Variants in ZFHX4 observed in about 807,000 individuals in gnomAD.
The protein encoded by ZFHX4 is zinc finger homeobox protein 4.
A neutral mutation model predicts 267.6 loss-of-function variants in ZFHX4; 56 were observed. The ratio of observed to expected loss-of-function variants is 0.21; its 90% confidence interval spans 0.17 to 0.26. The LOEUF (loss-of-function observed/expected upper bound fraction) is 0.26, where lower values mean the gene tolerates loss of function less well. Ranked by LOEUF, ZFHX4 falls within the 10% of genes least tolerant of loss-of-function variation. The pLI is 1.00. For synonymous variants in ZFHX4, 1,778 were observed against 1,665.6 expected, an observed-to-expected ratio of 1.07 and a Z score of -1.64; for missense variants, 4,332 against 4,420.0, an observed-to-expected ratio of 0.98 and a Z score of 0.56.
chr8:76,732,494 A>G (rs1460222837), intron 3 of ZFHX4, among the ~76,000 whole-genome samples: 1 of 151,970 alleles, frequency 6.6e-6, no homozygotes, highest in Non-Finnish European at 1.5e-5. Flanking sequence ...TTATTTACAG[A>G]AAGTAATTTT....
At chr8:76,826,170 A>T (rs1811780289) in intron 4 of ZFHX4, among the ~76,000 whole-genome samples, 1 of 152,216 alleles carries the variant, frequency 6.6e-6, no homozygotes, top group Non-Finnish European at 1.5e-5. Context: ...GAGTGGGATC[A>T]AAAGGGAGAG....
intron 1 of ZFHX4, among the ~76,000 whole-genome samples, chr8:76,699,408 T>G (rs577935402): frequency 3.3e-5 from 5 of 152,154 alleles, no homozygotes; most frequent in Admixed American, 6.6e-5. Context: ...TTACACAATC[T>G]TTCATGAAAT....
chr8:76,816,169 G>C (rs972409554), intron 4 of ZFHX4, among the ~76,000 whole-genome samples: 1 of 152,134 alleles, frequency 6.6e-6, no homozygotes, highest in African/African-American at 2.4e-5. Flanking sequence ...CCAAGCTTCT[G>C]ATTCCCAATT....
rs763447710 is a variant in ZFHX4 at position 76,855,558 on chromosome 8, T to G, written c.8637T>G (p.Asp2879Glu). Residue 2879 changes from aspartate to glutamate, a missense_variant, in exon 10 of 11, where the codon GAT (aspartate) becomes GAG (glutamate). Transcript: ENST00000651372. ...CATCCATCCATTTCAATGACAAAGATGGCGACCACGACCAAAGCTTTTACA... is the reference window on the plus strand; with the variant it reads ...CATCCATCCATTTCAATGACAAAGAGGGCGACCACGACCAAAGCTTTTACA... ...TSPSIHFNDK[D>E]GDHDQSFYIT... 4.2e-5 allele frequency: 67 copies of G among 1,613,770 alleles called. No individual in the cohort carries two copies. Among genetic ancestry groups the G allele is most frequent in the Non-Finnish European group, 5.4e-5 (64 of 1,179,858 alleles).
At chr8:76,763,664 A>G (rs1438485693) in intron 3 of ZFHX4, among the ~76,000 whole-genome samples, 2 of 152,156 alleles carry the variant, frequency 1.3e-5, no homozygotes. Context: ...ATGTATTATT[A>G]TATATGATAA....
chr8:76,710,841 G>T (rs895975852), intron 3 of ZFHX4, among the ~76,000 whole-genome samples: 1 of 152,112 alleles, frequency 6.6e-6, no homozygotes, highest in Non-Finnish European at 1.5e-5. Flanking sequence ...GAGGTTAAAA[G>T]TTAAAGGTTA....
intron 4 of ZFHX4, among the ~76,000 whole-genome samples, chr8:76,828,430 T>C (rs537575955): frequency 6.6e-6 from 1 of 152,324 alleles, no homozygotes; most frequent in South Asian, 2.1e-4. Flanking sequence ...TTAGAAAAAG[T>C]TAAACTGTCT....
intron 3 of ZFHX4, among the ~76,000 whole-genome samples, chr8:76,765,331 T>C (rs1013497167): frequency 6.6e-6 from 1 of 152,162 alleles, no homozygotes; most frequent in African/African-American, 2.4e-5. Context: ...CCTATTTTTC[T>C]TTATGAAAAG....
intron 10 of ZFHX4, among the ~76,000 whole-genome samples, chr8:76,860,120 C>T (rs1160876153): frequency 6.6e-6 from 1 of 152,024 alleles, no homozygotes; most frequent in Non-Finnish European, 1.5e-5. Flanking sequence ...TATTGCTGTT[C>T]AGCTTTTCTC....
At chr8:76,712,439 A>G (rs531675142) in intron 3 of ZFHX4, among the ~76,000 whole-genome samples, 28 of 152,226 alleles carry the variant, frequency 1.8e-4, no homozygotes, top group African/African-American at 5.8e-4. Context: ...TCAGTTTGGA[A>G]TTAACAGTCA....
Position 76,852,616 on chromosome 8 carries a change from C to A in ZFHX4, c.5695C>A (p.Arg1899=). Residue 1899 remains arginine, a synonymous_variant, in exon 10 of 11, where the codon CGA becomes AGA. Transcript: ENST00000651372. ...CTTGGAACCATCCATCCCACCACCC[C>A]GAATAGCTTCAGGGGCCAGAGGAAA... The part of the protein sequence containing the change: ...KSLEPSIPPP[R]IASGARGNAA... 1 of 1,612,494 alleles carries A rather than the reference C, an allele frequency of 6.2e-7. No individual in the cohort carries two copies. The highest frequency in any genetic ancestry group is 8.5e-7 in the Non-Finnish European group (1 of 1,179,108).
At chr8:76,723,195 T>C (rs1333780473) in intron 3 of ZFHX4, among the ~76,000 whole-genome samples, 7 of 152,000 alleles carry the variant, frequency 4.6e-5, no homozygotes, top group Non-Finnish European at 8.8e-5. Flanking sequence ...AGCTGAAAAA[T>C]GAATGTGTAA....
intron 4 of ZFHX4, among the ~76,000 whole-genome samples, chr8:76,809,194 A>C (rs1359068864): frequency 6.6e-6 from 1 of 152,198 alleles, no homozygotes; most frequent in East Asian, 1.9e-4. Context: ...CTTTTATGTC[A>C]TAATATATTG....
intron 4 of ZFHX4, among the ~76,000 whole-genome samples, chr8:76,785,799 T>C (rs2131793430): frequency 6.6e-6 from 1 of 152,294 alleles, no homozygotes. Context: ...GGCACATTTT[T>C]CTCAATTACG....
In ZFHX4 at chr8:76,849,970, C is replaced by A. The variant is rs1812467996; in HGVS notation, c.3846+258C>A. On this transcript the variant is annotated intron_variant, in intron 8 of 10. Coordinates refer to ENST00000651372, the MANE Select transcript of ZFHX4 (RefSeq NM_024721.5). ...TATATCTATAATGTTCATCAAATAACCCCAGTGGGCACCTTGCATTTCAAA... is the reference window on the plus strand; with the variant it reads ...TATATCTATAATGTTCATCAAATAAACCCAGTGGGCACCTTGCATTTCAAA... The A allele has an allele frequency of 1.6e-5, 9 of 575,422 alleles. No individual in the cohort carries two copies. In the East Asian group the frequency reaches 2.6e-4, roughly 17 times the overall value. 35.6% of individuals were successfully genotyped at this position (575,422 alleles called of 1,614,324 possible). A position where few individuals can be genotyped will look rare whatever the true frequency, so the allele number is the denominator to read the frequency against.
chr8:76,695,271 A>T (rs1468669711), intron 1 of ZFHX4, among the ~76,000 whole-genome samples: 1 of 152,218 alleles, frequency 6.6e-6, no homozygotes, highest in Non-Finnish European at 1.5e-5. Flanking sequence ...AACTGAAGTC[A>T]TAGGTTTGAA....
intron 3 of ZFHX4, among the ~76,000 whole-genome samples, chr8:76,730,412 A>G (rs371165396): frequency 9.8e-4 from 149 of 152,224 alleles, no homozygotes; most frequent in African/African-American, 3.5e-3. Flanking sequence ...TTTTAAAACT[A>G]TTTTTAGGCC....
chr8:76,717,816 C>T (rs1368809500), intron 3 of ZFHX4, among the ~76,000 whole-genome samples: 2 of 152,000 alleles, frequency 1.3e-5, no homozygotes, highest in African/African-American at 2.4e-5. Context: ...AGGCAGGTCT[C>T]GAACTCCTGG....
intron 1 of ZFHX4, among the ~76,000 whole-genome samples, chr8:76,694,861 T>C (rs58765756): frequency 0.029 from 4,347 of 151,666 alleles, 211 homozygotes; most frequent in African/African-American, 0.095. Context: ...TATTAGGAGA[T>C]GGCGATGAGA....
Sources: allele counts gnomAD v4.1 joint callset (sites outside exome capture counted in the v4.1 genomes callset), GRCh38; gene constraint gnomAD v4.1.1; transcripts MANE v1.5; gene names NCBI Gene and HGNC (gene_info 2026-07-23, HGNC 2026-07-21).